The following PDXK variants were observed in gnomAD, a reference collection of about 807,000 sequenced individuals.
The protein encoded by PDXK is epididymis secretory sperm binding protein Li 1a.
Under a neutral mutation model 43.2 loss-of-function variants are expected in PDXK, and 15 were observed. That is an observed-to-expected ratio of 0.35 (90% CI 0.23 to 0.53). PDXK has a LOEUF of 0.53. Among genes scored for constraint, PDXK ranks in the 20% least tolerant of loss-of-function variants. The probability of loss-of-function intolerance (pLI) is 0.92; values close to 1 mark genes in which losing one functional copy is unlikely to be tolerated. For synonymous variants in PDXK, 172 were observed against 165.4 expected, an observed-to-expected ratio of 1.04 and a Z score of -0.31; for missense variants, 343 against 417.0, an observed-to-expected ratio of 0.82 and a Z score of 1.54.
chr21:43,743,849 C>A, intron 4 of PDXK, 42 bp downstream of exon 4: 2 of 1,451,402 alleles, frequency 1.4e-6, no homozygotes, highest in Non-Finnish European at 1.9e-6. Context: ...TGTGGCCCCA[C>A]ACGGGTGGGG....
Position 43,734,344 on chromosome 21 carries a change from G to C in PDXK, c.142+221G>C, listed in dbSNP as rs1216855503. Among the ~76,000 whole-genome samples, 1 of 152,132 alleles carries C rather than the reference G, an allele frequency of 6.6e-6. No individual in the cohort carries two copies. The highest frequency in any genetic ancestry group is 2.4e-5 in the African/African-American group (1 of 41,422). On this transcript the variant is annotated intron_variant, in intron 2 of 10. Transcript: ENST00000291565. The surrounding 1 kb of genome is among the most constrained non-coding windows in gnomAD (Gnocchi z 5.0). The stretch of plus-strand genomic sequence containing the variant: ...CTCTGAGAGGGGTTGTGTTGACTCA[G>C]CTTGGCTGCTTTGAGGCTGTGTGAC...
intron 2 of PDXK, among the ~76,000 whole-genome samples, chr21:43,740,508 T>C (rs2083479196): frequency 6.6e-6 from 1 of 152,008 alleles, no homozygotes; most frequent in African/African-American, 2.4e-5. Flanking sequence ...GTGAGGCGTT[T>C]CTCATGGGCG....
chr21:43,730,734 G>T (rs140345503), intron 1 of PDXK, among the ~76,000 whole-genome samples: 2 of 152,198 alleles, frequency 1.3e-5, no homozygotes, highest in Middle Eastern at 3.4e-3. Context: ...GAGGAGAATT[G>T]ATTGAGCTTA....
intron 2 of PDXK, chr21:43,741,105 G>C (rs2083494272): frequency 8.0e-6 from 1 of 125,360 alleles, no homozygotes; most frequent in Non-Finnish European, 1.7e-5. Flanking sequence ...GGCAGTGGGA[G>C]TGTGGGGGCC....
At chr21:43,720,314 C>T (rs987401024) in intron 1 of PDXK, among the ~76,000 whole-genome samples, 3 of 152,170 alleles carry the variant, frequency 2.0e-5, no homozygotes, top group Non-Finnish European at 4.4e-5. Context: ...GCAGGTATGC[C>T]TGGTCCCTGT....
rs9984121 is a variant in PDXK at position 43,749,266 on chromosome 21, G to T, written c.464+186G>T. On this transcript the variant is annotated intron_variant, in intron 6 of 10. Coordinates refer to ENST00000291565, the MANE Select transcript of PDXK (RefSeq NM_003681.5). ...ATGACAGGCGTGAGCCACCACGCCCGGCTAATTTTTGTATTTTTAGTAGTG... is the reference window on the plus strand; with the variant it reads ...ATGACAGGCGTGAGCCACCACGCCCTGCTAATTTTTGTATTTTTAGTAGTG... Among the ~76,000 whole-genome samples the T allele has an allele frequency of 6.5e-3, 983 of 152,162 alleles. 15 individuals are homozygous for T. The highest frequency in any genetic ancestry group is 0.022 in the African/African-American group (904 of 41,504).
In PDXK at chr21:43,761,202, T is replaced by G. The variant is rs1436916541; in HGVS notation, c.*5139T>G. ...GACCCTTGCCTGGGACAAGCTTTGATGGGGGGCCCCAGCTTCAAGGCTGTG... is the reference window on the plus strand; with the variant it reads ...GACCCTTGCCTGGGACAAGCTTTGAGGGGGGGCCCCAGCTTCAAGGCTGTG... On this transcript the variant is annotated 3_prime_UTR_variant, in exon 11 of 11. Transcript: ENST00000291565. 3.3e-5 allele frequency: 5 copies of G among 152,216 alleles called. No individual in the cohort carries two copies. Among genetic ancestry groups the G allele is most frequent in the Admixed American group, 3.3e-4 (5 of 15,282 alleles). The allele number at this position is 152,216 out of a possible 1,614,324, so 9.4% of individuals were successfully genotyped here. A position where few individuals can be genotyped will look rare whatever the true frequency, so the allele number is the denominator to read the frequency against.
chr21:43,727,488 C>G (rs2083266332), intron 1 of PDXK, among the ~76,000 whole-genome samples: 1 of 152,194 alleles, frequency 6.6e-6, no homozygotes, highest in Admixed American at 6.5e-5. Flanking sequence ...TGTCCTTGGC[C>G]ACTCCTCCGG....
Position 43,737,678 on chromosome 21 carries a change from C to T in PDXK, c.142+3555C>T, listed in dbSNP as rs895905361. ...GGCTGGAGAAGGCCAGGGCCAGGAG[C>T]CTGCCGACGGACACCAGCGAGGGGC... On this transcript the variant is annotated intron_variant, in intron 2 of 10. Transcript: ENST00000291565. The surrounding 1 kb of genome is among the most constrained non-coding windows in gnomAD (Gnocchi z 4.8). The T allele has an allele frequency of 5.2e-6, 4 of 769,480 alleles. No individual in the cohort carries two copies. In the East Asian group the frequency reaches 4.6e-4, roughly 88 times the overall value. The allele number at this position is 769,480 out of a possible 1,614,324, so 47.7% of individuals were successfully genotyped here. A position where few individuals can be genotyped will look rare whatever the true frequency, so the allele number is the denominator to read the frequency against.
In PDXK at chr21:43,732,075, C is replaced by G; in HGVS notation, c.88-1994C>G. The G allele has an allele frequency of 9.5e-7, 1 of 1,056,286 alleles. No homozygotes were observed. Among genetic ancestry groups the G allele is most frequent in the Non-Finnish European group, 1.2e-6 (1 of 835,884 alleles). 65.4% of individuals were successfully genotyped at this position (1,056,286 alleles called of 1,614,324 possible). ...GGAAGGGACGGTCACTACCGCTGCC[C>G]CTGTGGGGAGAAGAGCCCCGGGGGA... is the stretch of plus-strand genomic sequence containing the variant. On this transcript the variant is annotated intron_variant, in intron 1 of 10. Transcript: ENST00000291565. This position sits in a 1 kb window ranked among gnomAD's most constrained non-coding sequence, Gnocchi z 4.1.
At chr21:43,743,985 C>T (rs928105095) in intron 4 of PDXK, among the ~76,000 whole-genome samples, 178 bp downstream of exon 4, 3 of 152,218 alleles carry the variant, frequency 2.0e-5, no homozygotes, top group East Asian at 1.9e-4. Context: ...TGCTGAAGTC[C>T]GCTGGGCTAG....
intron 6 of PDXK, among the ~76,000 whole-genome samples, chr21:43,750,209 C>T (rs1218394524): frequency 2.0e-5 from 3 of 152,264 alleles, no homozygotes; most frequent in East Asian, 1.9e-4. Flanking sequence ...TGAGACCCTG[C>T]GCTGTGGCAT....
At chr21:43,730,390 T>C (rs1436272092) in intron 1 of PDXK, among the ~76,000 whole-genome samples, 1 of 152,116 alleles carries the variant, frequency 6.6e-6, no homozygotes, top group East Asian at 1.9e-4. Flanking sequence ...CCTCCCAAAG[T>C]GCTGGGATTA....
chr21:43,739,610 A>T (rs1254545485), intron 2 of PDXK, among the ~76,000 whole-genome samples: 2 of 150,310 alleles, frequency 1.3e-5, no homozygotes, highest in African/African-American at 4.9e-5. Flanking sequence ...GCCCCTTGAA[A>T]CCATCAGCTT....
In PDXK at chr21:43,732,308, G is replaced by C. The variant is rs557380066; in HGVS notation, c.88-1761G>C. 6 of 1,600,770 alleles carry C rather than the reference G, an allele frequency of 3.7e-6. No homozygotes were observed. The highest frequency in any genetic ancestry group is 5.1e-6 in the Non-Finnish European group (6 of 1,172,678). On this transcript the variant is annotated intron_variant, in intron 1 of 10. Transcript: ENST00000291565. The surrounding 1 kb of genome is among the most constrained non-coding windows in gnomAD (Gnocchi z 4.1). ...CTCTGGGGTCCCAGGCTCCCGTCCT[G>C]GACCTTGGCACCCCGCCCCCCGTGC...
chr21:43,742,547 G>A lies in PDXK; in HGVS notation c.247+776G>A, dbSNP rs905104424. 3.9e-5 allele frequency among the ~76,000 whole-genome samples: 6 copies of A among 152,178 alleles called. No homozygotes were observed. The South Asian group carries it at 8.3e-4, about 21-fold the overall frequency. On this transcript the variant is annotated intron_variant, in intron 3 of 10. Transcript: ENST00000291565. ...CTCCCAAAGTGTTAGAATTACAGGC[G>A]TGAGCCACTGCGCCCAGCCTCTCTA...
intron 1 of PDXK, among the ~76,000 whole-genome samples, chr21:43,730,272 C>T (rs867206789): frequency 6.6e-6 from 1 of 151,426 alleles, no homozygotes; most frequent in East Asian, 2.0e-4. Context: ...ACTACAGGCA[C>T]GAGCCACTAC....
In PDXK at chr21:43,760,340, C is replaced by G. The variant is rs2083915025; in HGVS notation, c.*4277C>G. The G allele has an allele frequency of 6.6e-6, 1 of 152,200 alleles. No individual in the cohort carries two copies. Among genetic ancestry groups the G allele is most frequent in the Non-Finnish European group, 1.5e-5 (1 of 68,070 alleles). The allele number at this position is 152,200 out of a possible 1,614,324, so 9.4% of individuals were successfully genotyped here. A position where few individuals can be genotyped will look rare whatever the true frequency, so the allele number is the denominator to read the frequency against. ...TACAGGCATGCGCCACCACGCTCAG[C>G]TGATTTTTGTATTTTTAGTAGAGAT... On this transcript the variant is annotated 3_prime_UTR_variant, in exon 11 of 11. Coordinates refer to ENST00000291565, the MANE Select transcript of PDXK (RefSeq NM_003681.5).
At chr21:43,745,351 C>T (rs1343196030) in intron 4 of PDXK, among the ~76,000 whole-genome samples, 1 of 149,478 alleles carries the variant, frequency 6.7e-6, no homozygotes. Context: ...ACCCGGGAGG[C>T]GGAGGTTGCA....
Sources: gnomAD v4.1 joint callset for allele counts (sites outside exome capture counted in the v4.1 genomes callset) on GRCh38, gnomAD v4.1.1 for gene constraint, Gnocchi (gnomAD v3.1) non-coding constraint, MANE v1.5 for transcripts, NCBI Gene and HGNC (gene_info 2026-07-23, HGNC 2026-07-21) for gene names.